The following NDST3 variants were observed in gnomAD, a reference collection of about 807,000 sequenced individuals.
NDST3 encodes the protein N-deacetylase and N-sulfotransferase 3, also known as bifunctional heparan sulfate N-deacetylase/N-sulfotransferase 3.
NDST3 carries 58 observed loss-of-function variants against 96.1 expected under a neutral mutation model. The observed-to-expected ratio is 0.60, with a 90% CI of 0.49 to 0.75. The LOEUF is 0.75. Among genes scored for constraint, NDST3 ranks in the 30% least tolerant of loss-of-function variants. The pLI is 0.00. For missense variants in NDST3, 788 were observed against 1,034.2 expected (o/e 0.76, Z 3.27); for synonymous variants, 333 against 359.7 (o/e 0.93, Z 0.84).
intron 2 of NDST3, among the ~76,000 whole-genome samples, chr4:118,094,770 T>A (rs1010336414): frequency 1.3e-5 from 2 of 151,850 alleles, no homozygotes; most frequent in Non-Finnish European, 2.9e-5. Flanking sequence ...GAGGTTACCT[T>A]TATTCTGTTA....
chr4:118,044,143 T>C (rs1365621548), intron 1 of NDST3, among the ~76,000 whole-genome samples: 2 of 152,192 alleles, frequency 1.3e-5, no homozygotes, highest in African/African-American at 2.4e-5. Context: ...AAAATGCTGC[T>C]ATCTAAAATG....
intron 4 of NDST3, among the ~76,000 whole-genome samples, chr4:118,127,345 T>C (rs1167405028): frequency 1.3e-5 from 2 of 152,080 alleles, no homozygotes; most frequent in African/African-American, 4.8e-5. Flanking sequence ...TTTAAGTCTT[T>C]AATATATTGG....
chr4:118,189,032 T>C (rs1307291256), intron 6 of NDST3, among the ~76,000 whole-genome samples: 1 of 152,076 alleles, frequency 6.6e-6, no homozygotes, highest in Non-Finnish European at 1.5e-5. Flanking sequence ...TTAGAACATA[T>C]ATTAATAATA....
chr4:118,115,165 T>G (rs536211022), intron 4 of NDST3, among the ~76,000 whole-genome samples: 16 of 152,296 alleles, frequency 1.1e-4, no homozygotes, highest in African/African-American at 3.9e-4. Flanking sequence ...GGATCTAATT[T>G]GAGAGGGACC....
chr4:118,162,190 G>C (rs1735204938), intron 6 of NDST3, among the ~76,000 whole-genome samples: 1 of 152,104 alleles, frequency 6.6e-6, no homozygotes, highest in South Asian at 2.1e-4. Flanking sequence ...GTAATTTACA[G>C]ATTCAATGCC....
chr4:118,092,017 C>T lies in NDST3; in HGVS notation c.982-13001C>T, dbSNP rs556086761. ...ATGAGGCATTAAATATTATGTAGTCCAAAACTTACAACTCTGTGAGGTAGG... is the reference window on the plus strand; with the variant it reads ...ATGAGGCATTAAATATTATGTAGTCTAAAACTTACAACTCTGTGAGGTAGG... On this transcript the variant is annotated intron_variant, in intron 2 of 13. Transcript: ENST00000296499. Among the ~76,000 whole-genome samples the T allele has an allele frequency of 6.0e-5, 9 of 150,810 alleles. No individual in the cohort carries two copies. In the South Asian group the frequency reaches 1.9e-3, roughly 32 times the overall value.
chr4:118,039,977 G>A (rs899634213), intron 1 of NDST3, among the ~76,000 whole-genome samples: 9 of 152,210 alleles, frequency 5.9e-5, no homozygotes, highest in African/African-American at 2.2e-4. Flanking sequence ...CAGCTGGAAA[G>A]AAGTAACAGA....
Position 118,255,749 on chromosome 4 carries a change from G to A in NDST3, c.*37G>A. On this transcript the variant is annotated 3_prime_UTR_variant, in exon 14 of 14. Coordinates refer to ENST00000296499, the MANE Select transcript of NDST3 (RefSeq NM_004784.3). ...AACTTGAGACTTCATCGTCCATGTA[G>A]AACACACCTTTTCCAAAGCTTCCAG... The A allele has an allele frequency of 1.3e-6, 2 of 1,541,086 alleles. No homozygotes were observed. The highest frequency in any genetic ancestry group is 1.8e-6 in the Non-Finnish European group (2 of 1,139,458).
chr4:118,054,529 T>C lies in NDST3; in HGVS notation c.619T>C (p.Ser207Pro). 6.2e-7 allele frequency: 1 copy of C among 1,613,312 alleles called. No individual in the cohort carries two copies. Residue 207 changes from serine to proline, a missense_variant, in exon 2 of 14, where the codon TCT (serine) becomes CCT (proline). By Grantham distance (74) the Ser-to-Pro change is moderately conservative. This residue lies in a region of NDST3 where 234 missense variants were observed against 256.9 expected (regional missense o/e 0.91). Transcript: ENST00000296499. ...PHSPLIRVTKSSKLEKGSLPG... is the reference protein window; with the variant it reads ...PHSPLIRVTKPSKLEKGSLPG... Reference sequence around the variant, plus strand: ...TTCTCCATTGATTCGTGTGACCAAATCTTCCAAGCTTGAAAAAGGTTCTTT... The same window carrying C: ...TTCTCCATTGATTCGTGTGACCAAACCTTCCAAGCTTGAAAAAGGTTCTTT...
chr4:118,150,585 C>T (rs1431126670), intron 6 of NDST3, among the ~76,000 whole-genome samples: 2 of 150,878 alleles, frequency 1.3e-5, no homozygotes, highest in Non-Finnish European at 2.9e-5. Context: ...AGGACATGAA[C>T]AGACACTTCT....
At chr4:118,171,155 A>G (rs140724422) in intron 6 of NDST3, among the ~76,000 whole-genome samples, 2 of 152,252 alleles carry the variant, frequency 1.3e-5, no homozygotes, top group Non-Finnish European at 2.9e-5. Flanking sequence ...GAGAATTCCT[A>G]TTTTGACCTC....
At chr4:118,131,079 A>G (rs1373025765) in intron 4 of NDST3, among the ~76,000 whole-genome samples, 1 of 152,158 alleles carries the variant, frequency 6.6e-6, no homozygotes, top group East Asian at 1.9e-4. Context: ...TTGGTGCTCC[A>G]TAACCTTCTT....
chr4:118,158,926 T>G (rs1483255859), intron 6 of NDST3, among the ~76,000 whole-genome samples: 1 of 152,040 alleles, frequency 6.6e-6, no homozygotes, highest in Non-Finnish European at 1.5e-5. Flanking sequence ...AGAAACAAAT[T>G]AAGACACTGC....
chr4:118,096,568 G>T (rs545706444), intron 2 of NDST3, among the ~76,000 whole-genome samples: 17 of 151,766 alleles, frequency 1.1e-4, no homozygotes, highest in Non-Finnish European at 1.9e-4. Context: ...CCCTAGTCAT[G>T]ATATATATAA....
At chr4:118,166,982 A>C (rs1272048651) in intron 6 of NDST3, among the ~76,000 whole-genome samples, 1 of 151,856 alleles carries the variant, frequency 6.6e-6, no homozygotes, top group Non-Finnish European at 1.5e-5. Flanking sequence ...GTGAGGAACA[A>C]GGCAAGGACT....
chr4:118,055,177 C>A, intron 2 of NDST3: 2 of 376,802 alleles, frequency 5.3e-6, no homozygotes, highest in East Asian at 5.5e-5. Context: ...TAATTACTTT[C>A]CAGAAACTAT....
intron 3 of NDST3, among the ~76,000 whole-genome samples, chr4:118,106,406 T>G (rs1036320740): frequency 4.0e-4 from 61 of 152,166 alleles, no homozygotes; most frequent in African/African-American, 1.4e-3. Flanking sequence ...AGTGCAGTGG[T>G]GCAAACACAA....
At chr4:118,070,854 GT>G (rs1284442155) in intron 2 of NDST3, among the ~76,000 whole-genome samples, 5 of 151,856 alleles carry the variant, frequency 3.3e-5, no homozygotes, top group Non-Finnish European at 5.9e-5. Flanking sequence ...GTGTCCAAGT[GT>G]TCTCATTGTT....
In NDST3 at chr4:118,114,793, T is replaced by C. The variant is rs75423313; in HGVS notation, c.1070-13T>C. ...TAACTGGAATTAATTGGATAATATT[T>C]CCCCCCCTAAAGGAACTGAAGAGGA... is the stretch of plus-strand genomic sequence containing the variant. On this transcript the variant is annotated splice_polypyrimidine_tract_variant and intron_variant, in intron 3 of 13. Transcript: ENST00000296499. 2.8e-5 allele frequency: 45 copies of C among 1,604,920 alleles called. No homozygotes were observed. Among genetic ancestry groups the C allele is most frequent in the South Asian group, 4.4e-5 (4 of 90,576 alleles).
Sources: gnomAD v4.1 joint callset for allele counts (sites outside exome capture counted in the v4.1 genomes callset) on GRCh38, gnomAD v4.1.1 for gene constraint, gnomAD v4.1.1 regional missense constraint, MANE v1.5 for transcripts, NCBI Gene and HGNC (gene_info 2026-07-23, HGNC 2026-07-21) for gene names.